Variants in AGTPBP1 observed in about 807,000 individuals in gnomAD.
The protein encoded by AGTPBP1 is cytosolic carboxypeptidase 1.
Under a neutral mutation model 143.9 loss-of-function variants are expected in AGTPBP1, and 70 were observed. The observed-to-expected ratio is 0.49, with a 90% CI of 0.40 to 0.59. The LOEUF (loss-of-function observed/expected upper bound fraction) is 0.59, where lower values mean the gene tolerates loss of function less well. Among genes scored for constraint, AGTPBP1 ranks in the 20% least tolerant of loss-of-function variants. The probability of loss-of-function intolerance (pLI) is 0.00; values close to 1 mark genes in which losing one functional copy is unlikely to be tolerated. For synonymous variants in AGTPBP1, 463 were observed against 500.2 expected, an observed-to-expected ratio of 0.93 and a Z score of 0.99; for missense variants, 1,229 against 1,464.5, an observed-to-expected ratio of 0.84 and a Z score of 2.62.
chr9:85,735,487 C>A (rs1324663933), intron 1 of AGTPBP1, among the ~76,000 whole-genome samples: 1 of 152,182 alleles, frequency 6.6e-6, no homozygotes, highest in Non-Finnish European at 1.5e-5. Context: ...TGTGAATATA[C>A]TTGATGCCAC....
rs1422826417 is a variant in AGTPBP1, at chr9:85,642,817, AT to A, written c.1302+9del. The A allele has an allele frequency of 1.7e-5, 27 of 1,577,778 alleles. No homozygotes were observed. In the East Asian group the frequency reaches 6.0e-4, roughly 35 times the overall value. On this transcript the variant is annotated intron_variant, in intron 13 of 25. Transcript: ENST00000357081. ...AATCAGTTAAGATGCTGAATTTTCT[AT>A]ATTTATACCTGAAAATCATCAACAA... is the stretch of plus-strand genomic sequence containing the variant.
At chr9:85,668,326 C>A (rs1383897629) in intron 8 of AGTPBP1, among the ~76,000 whole-genome samples, 3 of 151,674 alleles carry the variant, frequency 2.0e-5, no homozygotes, top group Admixed American at 2.0e-4. Context: ...AAACAACAGA[C>A]CAGATTTTAG....
At chr9:85,610,879 A>T (rs1300539312) in intron 17 of AGTPBP1, among the ~76,000 whole-genome samples, 2 of 152,194 alleles carry the variant, frequency 1.3e-5, no homozygotes, top group East Asian at 3.8e-4. Context: ...GTTAATGTTA[A>T]GACAAACCAA....
At chr9:85,779,248 T>TATCG in the AGTPBP1 span, among the ~76,000 whole-genome samples, 1 of 139,560 alleles carries the variant, frequency 7.2e-6, no homozygotes, top group East Asian at 2.2e-4. Flanking sequence ...TATAGATATC[T>TATCG]ATATAAATAT....
chr9:85,699,450 T>C (rs939307622), intron 2 of AGTPBP1, among the ~76,000 whole-genome samples: 14 of 152,216 alleles, frequency 9.2e-5, no homozygotes, highest in African/African-American at 3.4e-4. Context: ...ATACTGTCTT[T>C]GCAACAAATA....
rs561826343 is a variant in AGTPBP1, at chr9:85,723,025, T to C, written c.-33-10459A>G. 7.4e-4 allele frequency among the ~76,000 whole-genome samples: 112 copies of C among 152,334 alleles called. 1 individual carries two copies. The highest frequency in any genetic ancestry group is 2.3e-3 in the African/African-American group (95 of 41,586). Reference sequence around the variant, plus strand: ...GAGGCTGCAGAACAGCAAATGCTGCTGCTTGATCCTTCCTCTGGAAGCTTC... The same window carrying C: ...GAGGCTGCAGAACAGCAAATGCTGCCGCTTGATCCTTCCTCTGGAAGCTTC... On this transcript the variant is annotated intron_variant, in intron 1 of 25. Transcript: ENST00000357081.
the AGTPBP1 span, among the ~76,000 whole-genome samples, chr9:85,748,275 C>CT: frequency 6.6e-6 from 1 of 152,130 alleles, no homozygotes; most frequent in African/African-American, 2.4e-5. Context: ...TTATACTTTC[C>CT]TTGTTTTTTC....
At chr9:85,609,426 G>C (rs1464605145) in intron 17 of AGTPBP1, among the ~76,000 whole-genome samples, 2 of 152,004 alleles carry the variant, frequency 1.3e-5, no homozygotes, top group African/African-American at 4.8e-5. Flanking sequence ...AGGTAGCTGG[G>C]ATTACATGCA....
chr9:85,572,822 C>A (rs951229295), intron 25 of AGTPBP1, among the ~76,000 whole-genome samples: 1 of 152,126 alleles, frequency 6.6e-6, no homozygotes, highest in Non-Finnish European at 1.5e-5. Context: ...ATAGAGAATG[C>A]AGGTGATTAT....
At position 85,646,403 on chromosome 9, in the gene AGTPBP1, T is replaced by A. The variant is rs780423338; in HGVS notation, c.1103A>T (p.Asp368Val). The change falls in exon 12 of 26, where the codon GAT becomes GTT. Residue 368 changes from aspartate (D) to valine (V), a missense_variant. Asp to Val is a radical substitution (Grantham distance 152). Around this residue, in one of 2 missense-constraint regions of AGTPBP1, gnomAD observed 743 missense variants for 812.2 expected, o/e 0.91. Transcript: ENST00000357081. The stretch of plus-strand genomic sequence containing the variant: ...AATATCATCGTTGTCATCACTTTCA[T>A]CTACTACGTCATCCACTATGATACA... The part of the protein sequence containing the change: ...SLPPEVDDVV[D>V]ESDDNDDIDV... 2 of 1,612,842 alleles carry A rather than the reference T, an allele frequency of 1.2e-6. No individual in the cohort carries two copies. Among genetic ancestry groups the A allele is most frequent in the Admixed American group, 3.3e-5 (2 of 60,018 alleles).
chr9:85,719,019 T>C (rs1232126187), intron 1 of AGTPBP1, among the ~76,000 whole-genome samples: 1 of 152,200 alleles, frequency 6.6e-6, no homozygotes. Context: ...TTCTGTTCCA[T>C]TGGTCTATAT....
the AGTPBP1 span, among the ~76,000 whole-genome samples, chr9:85,783,636 GTTTGT>G: frequency 6.7e-6 from 1 of 148,950 alleles, no homozygotes; most frequent in South Asian, 2.1e-4. Flanking sequence ...TTTTTTTTTT[GTTTGT>G]TTTTTGTTTT....
intron 5 of AGTPBP1, 128 bp downstream of exon 5, chr9:85,678,207 T>G (rs552199424): frequency 1.7e-6 from 1 of 572,882 alleles, no homozygotes; most frequent in Non-Finnish European, 2.9e-6. Context: ...CTATGACATT[T>G]CAGTTTCTAA....
At position 85,548,671 on chromosome 9, in the gene AGTPBP1, T is replaced by TTG. The variant is rs1312914867; in HGVS notation, c.3504-1386_3504-1385insCA. Among the ~76,000 whole-genome samples the TTG allele has an allele frequency of 7.4e-4, 106 of 142,290 alleles. 1 individual carries two copies. The highest frequency in any genetic ancestry group is 2.7e-3 in the African/African-American group (91 of 33,244). The allele number at this position is 142,290 out of a possible 152,430, so 93.3% of individuals were successfully genotyped here. On this transcript the variant is annotated intron_variant, in intron 25 of 25. Transcript: ENST00000357081. ...AAATGATTATTTGGCTTTGGTTTTT[T>TTG]TTTGTTTTTGTTTTTGTTTTTTGAG...
intron 2 of AGTPBP1, among the ~76,000 whole-genome samples, chr9:85,702,414 C>T (rs569608527): frequency 6.6e-6 from 1 of 152,268 alleles, no homozygotes; most frequent in East Asian, 1.9e-4. Flanking sequence ...TTTCAAACTG[C>T]TGCTAATTTA....
In AGTPBP1 at chr9:85,741,509, G is replaced by A. The variant is rs546482456; in HGVS notation, c.-34+266C>T. On this transcript the variant is annotated intron_variant, in intron 1 of 25. Coordinates refer to ENST00000357081, the MANE Select transcript of AGTPBP1 (RefSeq NM_001330701.2). Reference sequence around the variant, plus strand: ...CGATACCCTCCGCAAGGTCTGGGACGGGGATCCACCGAGGGTCCGGGGACT... The same window carrying A: ...CGATACCCTCCGCAAGGTCTGGGACAGGGATCCACCGAGGGTCCGGGGACT... 1.1e-4 allele frequency: 105 copies of A among 985,406 alleles called. No homozygotes were observed. In the African/African-American group the frequency reaches 1.3e-3, roughly 13 times the overall value. 61.0% of individuals were successfully genotyped at this position (985,406 alleles called of 1,614,324 possible). A position where few individuals can be genotyped will look rare whatever the true frequency, so the allele number is the denominator to read the frequency against.
intron 2 of AGTPBP1, among the ~76,000 whole-genome samples, chr9:85,711,304 A>T (rs1837349275): frequency 6.6e-6 from 1 of 152,258 alleles, no homozygotes; most frequent in African/African-American, 2.4e-5. Flanking sequence ...GACAATTTCA[A>T]TATACAATCA....
the AGTPBP1 span, chr9:85,756,338 G>T: frequency 5.1e-6 from 7 of 1,368,562 alleles, no homozygotes; most frequent in African/African-American, 3.0e-5. Context: ...AACATAATAA[G>T]AAATGTGTGG....
chr9:85,615,500 A>G (rs1015405765), intron 17 of AGTPBP1, among the ~76,000 whole-genome samples: 8 of 152,120 alleles, frequency 5.3e-5, no homozygotes, highest in African/African-American at 1.9e-4. Flanking sequence ...CTGCTGAATA[A>G]TATTTAATGG....
Sources: gnomAD v4.1 joint callset for allele counts (sites outside exome capture counted in the v4.1 genomes callset) on GRCh38, gnomAD v4.1.1 for gene constraint, gnomAD v4.1.1 regional missense constraint, MANE v1.5 for transcripts, NCBI Gene and HGNC (gene_info 2026-07-23, HGNC 2026-07-21) for gene names.